HSF5: variants seen among roughly 807,000 people sequenced by gnomAD.
The protein encoded by HSF5 is heat shock factor protein 5.
HSF5 carries 5 observed loss-of-function variants against 50.8 expected under a neutral mutation model. That is an observed-to-expected ratio of 0.10 (90% confidence interval 0.05 to 0.21). The LOEUF is 0.21. Among genes scored for constraint, HSF5 ranks in the 10% least tolerant of loss-of-function variants. HSF5 has a pLI of 1.00. For synonymous variants in HSF5, 307 were observed against 307.4 expected, an observed-to-expected ratio of 1.00 and a Z score of 0.02; for missense variants, 564 against 762.6, an observed-to-expected ratio of 0.74 and a Z score of 3.07.
In HSF5 at chr17:58,487,978, G is replaced by GC. The variant is rs753627567; in HGVS notation, c.296dup (p.Gly100ArgfsTer100). 1.9e-6 allele frequency: 3 copies of GC among 1,610,732 alleles called. No individual in the cohort carries two copies. The highest frequency in any genetic ancestry group is 8.5e-7 in the Non-Finnish European group (1 of 1,179,268). Reference sequence around the variant, plus strand: ...GCGGCCCATTGCCTGCCGGTTTGCCGCCCCCCGGCCCGCCCAGCACCACCT... The same window carrying GC: ...GCGGCCCATTGCCTGCCGGTTTGCCGCCCCCCCGGCCCGCCCAGCACCACCT... On this transcript the variant is annotated frameshift_variant, in exon 1 of 6. Coordinates refer to ENST00000323777, the MANE Select transcript of HSF5 (RefSeq NM_001080439.3). LOFTEE classifies it high-confidence loss of function.
At chr17:58,476,082 TG>T in intron 2 of HSF5, 1 of 634,826 alleles carries the variant, frequency 1.6e-6, no homozygotes, top group Non-Finnish European at 2.5e-6. Flanking sequence ...TCCCAAGGAC[TG>T]GAGAAAATTT....
chr17:58,483,292 C>G (rs892398882), intron 1 of HSF5, among the ~76,000 whole-genome samples: 2 of 152,202 alleles, frequency 1.3e-5, no homozygotes, highest in Admixed American at 1.3e-4. Flanking sequence ...GGCCAATTAA[C>G]TATTTTAGAT....
At chr17:58,458,157 G>C (rs1428228754) in intron 5 of HSF5, among the ~76,000 whole-genome samples, 1 of 152,128 alleles carries the variant, frequency 6.6e-6, no homozygotes, top group Admixed American at 6.6e-5. Context: ...TGGATGATAT[G>C]AGACACATGT....
intron 5 of HSF5, among the ~76,000 whole-genome samples, chr17:58,458,041 G>A (rs536666124): frequency 6.6e-6 from 1 of 152,264 alleles, no homozygotes; most frequent in Non-Finnish European, 1.5e-5. Context: ...ATGATGGTCT[G>A]TCATTTTAAC....
intron 5 of HSF5, among the ~76,000 whole-genome samples, chr17:58,426,132 T>C (rs957778193): frequency 6.6e-6 from 1 of 152,178 alleles, no homozygotes; most frequent in Non-Finnish European, 1.5e-5. Flanking sequence ...TAGTAATTAT[T>C]GATAAGGACA....
intron 5 of HSF5, among the ~76,000 whole-genome samples, chr17:58,437,208 C>A (rs1598183028): frequency 6.6e-6 from 1 of 152,086 alleles, no homozygotes; most frequent in South Asian, 2.1e-4. Context: ...AAAATAAAAG[C>A]TACTGTGAAC....
At chr17:58,447,898 C>A (rs1974581687) in intron 5 of HSF5, among the ~76,000 whole-genome samples, 1 of 152,000 alleles carries the variant, frequency 6.6e-6, no homozygotes, top group Non-Finnish European at 1.5e-5. Flanking sequence ...GCCTGTAATC[C>A]CAGCACTTGG....
At chr17:58,450,667 C>T (rs1226072189) in intron 5 of HSF5, among the ~76,000 whole-genome samples, 2 of 149,724 alleles carry the variant, frequency 1.3e-5, no homozygotes, top group African/African-American at 4.9e-5. Context: ...GCAGGAGAAT[C>T]ACTTGAACCT....
intron 3 of HSF5, among the ~76,000 whole-genome samples, chr17:58,465,624 C>CA (rs11309055): frequency 3.2e-4 from 46 of 143,870 alleles, no homozygotes; most frequent in African/African-American, 4.3e-4. Context: ...AGATTTTCTC[C>CA]AAAAAAAAAA....
At chr17:58,453,205 C>T (rs539666634) in intron 5 of HSF5, among the ~76,000 whole-genome samples, 1 of 152,140 alleles carries the variant, frequency 6.6e-6, no homozygotes, top group Non-Finnish European at 1.5e-5. Flanking sequence ...CAGCATTACC[C>T]TAATACCAAA....
intron 5 of HSF5, among the ~76,000 whole-genome samples, chr17:58,435,275 G>GGTAATAAACATAAGAA (rs1353248525): frequency 2.0e-5 from 3 of 152,150 alleles, no homozygotes; most frequent in Non-Finnish European, 4.4e-5. Flanking sequence ...AAGGCGGGGT[G>GGTAATAAACATAAGAA]CAGTAGCTCA....
chr17:58,466,161 C>A (rs1040268245), intron 3 of HSF5, among the ~76,000 whole-genome samples: 3 of 151,950 alleles, frequency 2.0e-5, no homozygotes, highest in Non-Finnish European at 4.4e-5. Flanking sequence ...TGAAAAAATC[C>A]AAAATCTGAA....
chr17:58,478,467 C>T (rs1975051434), intron 2 of HSF5, among the ~76,000 whole-genome samples: 1 of 131,254 alleles, frequency 7.6e-6, no homozygotes, highest in Non-Finnish European at 1.6e-5. Flanking sequence ...CAGAGCGAGA[C>T]TCCATCTCAA....
At chr17:58,431,213 T>C (rs1974360807) in intron 5 of HSF5, among the ~76,000 whole-genome samples, 1 of 152,202 alleles carries the variant, frequency 6.6e-6, no homozygotes, top group Non-Finnish European at 1.5e-5. Flanking sequence ...TAAACCTCTT[T>C]CTTTTGTAAA....
At chr17:58,425,290 C>G (rs964208527) in intron 5 of HSF5, among the ~76,000 whole-genome samples, 2 of 151,434 alleles carry the variant, frequency 1.3e-5, no homozygotes, top group African/African-American at 2.4e-5. Context: ...CCCAGCTACT[C>G]GGGAGGCTGA....
intron 5 of HSF5, among the ~76,000 whole-genome samples, chr17:58,425,575 CAAAAA>C (rs66502039): frequency 3.3e-4 from 11 of 32,982 alleles, no homozygotes; most frequent in African/African-American, 1.5e-3. Context: ...ACCTCTATCT[CAAAAA>C]AAAAAAAAAA....
intron 5 of HSF5, among the ~76,000 whole-genome samples, chr17:58,429,104 C>G (rs1301736075): frequency 6.6e-6 from 1 of 152,126 alleles, no homozygotes; most frequent in Non-Finnish European, 1.5e-5. Context: ...GTGGATGAAC[C>G]TTAGAAAACA....
chr17:58,462,804 C>T lies in HSF5; in HGVS notation c.1520G>A (p.Gly507Glu), dbSNP rs141637268. 2.0e-4 allele frequency: 314 copies of T among 1,608,746 alleles called. No individual in the cohort carries two copies. Among genetic ancestry groups the T allele is most frequent in the Non-Finnish European group, 2.4e-4 (287 of 1,177,424 alleles). ...TACCTGGTGTGTGCTGAATGGTGGC[C>T]CTTCCTGCACAAATACTACTGAAGA... ...SPSSVVFVQE[G>E]PPFSTHQVDA... Residue 507 changes from glycine (G) to glutamate (E), a missense_variant, in exon 4 of 6, where the codon GGG (glycine) becomes GAG (glutamate). Physicochemically the swap from Gly to Glu is moderately conservative, Grantham distance 98 (BLOSUM62 -2). Transcript: ENST00000323777.
At position 58,480,449 on chromosome 17, in the gene HSF5, T is replaced by A. The variant is rs1438286991; in HGVS notation, c.551-182A>T. 3.3e-5 allele frequency among the ~76,000 whole-genome samples: 5 copies of A among 152,142 alleles called. No homozygotes were observed. The East Asian group carries it at 9.6e-4, about 29-fold the overall frequency. ...GAGACATATAATGCTGAAAGAAGAA[T>A]CAAATAAACCTTTGTTTTCTCAGTG... On this transcript the variant is annotated intron_variant, in intron 1 of 5. Transcript: ENST00000323777.
Sources: allele counts gnomAD v4.1 joint callset (sites outside exome capture counted in the v4.1 genomes callset), GRCh38; gene constraint gnomAD v4.1.1; transcripts MANE v1.5; gene names NCBI Gene and HGNC (gene_info 2026-07-23, HGNC 2026-07-21).